Variants in SCG5 observed in about 807,000 individuals in gnomAD.
SCG5 encodes secretogranin V.
SCG5 carries 18 observed loss-of-function variants against 25.7 expected under a neutral mutation model. The observed-to-expected ratio is 0.70, with a 90% CI of 0.48 to 1.04. SCG5 has a LOEUF of 1.04. Among genes scored for constraint, SCG5 ranks in the 50% least tolerant of loss-of-function variants. SCG5 has a pLI of 0.00. For missense variants in SCG5, 206 were observed against 259.8 expected (o/e 0.79, Z 1.42); for synonymous variants, 101 against 91.7 (o/e 1.10, Z -0.58).
At chr15:32,686,124 A>G (rs530709460) in intron 4 of SCG5, among the ~76,000 whole-genome samples, 2 of 152,296 alleles carry the variant, frequency 1.3e-5, no homozygotes, top group South Asian at 2.1e-4. Context: ...GCTTCTTCCA[A>G]TTTGCATTAT....
intron 5 of SCG5, among the ~76,000 whole-genome samples, chr15:32,695,446 C>G (rs1342910136): frequency 6.6e-6 from 1 of 151,990 alleles, no homozygotes; most frequent in East Asian, 1.9e-4. Flanking sequence ...TAGTTCGAAT[C>G]CACACCTCAA....
intron 5 of SCG5, among the ~76,000 whole-genome samples, chr15:32,693,268 C>G (rs1482512166): frequency 1.3e-5 from 2 of 152,206 alleles, no homozygotes. Flanking sequence ...CGATTTAGGT[C>G]ATTTTTCCGT....
At chr15:32,645,181 G>A (rs2053922652) in intron 2 of SCG5, among the ~76,000 whole-genome samples, 1 of 152,216 alleles carries the variant, frequency 6.6e-6, no homozygotes, top group Admixed American at 6.5e-5. Context: ...TTTCAGGCCA[G>A]CTCTTTTGAG....
At chr15:32,679,287 C>T (rs1444918270) in intron 2 of SCG5, among the ~76,000 whole-genome samples, 1 of 151,912 alleles carries the variant, frequency 6.6e-6, no homozygotes, top group Non-Finnish European at 1.5e-5. Flanking sequence ...CTCCACTTCT[C>T]GGGTTCAAGT....
At chr15:32,688,079 G>T (rs1400829728) in intron 4 of SCG5, among the ~76,000 whole-genome samples, 1 of 152,186 alleles carries the variant, frequency 6.6e-6, no homozygotes, top group Non-Finnish European at 1.5e-5. Context: ...ACAGAGCTGG[G>T]ATTTGAACCC....
chr15:32,689,179 C>G (rs2054794235), intron 4 of SCG5, among the ~76,000 whole-genome samples: 1 of 151,938 alleles, frequency 6.6e-6, no homozygotes, highest in Non-Finnish European at 1.5e-5. Context: ...AAGAGTTTCC[C>G]CTGCTGTTCT....
At chr15:32,652,861 T>C (rs2054055597) in intron 2 of SCG5, among the ~76,000 whole-genome samples, 2 of 152,230 alleles carry the variant, frequency 1.3e-5, no homozygotes, top group South Asian at 2.1e-4. Context: ...CTAGTTATAG[T>C]ATAAACTTTT....
At position 32,679,883 on chromosome 15, in the gene SCG5, A is replaced by G; in HGVS notation, c.344A>G (p.Asp115Gly). 6.2e-7 allele frequency: 1 copy of G among 1,613,638 alleles called. No homozygotes were observed. The highest frequency in any genetic ancestry group is 8.5e-7 in the Non-Finnish European group (1 of 1,179,740). Residue 115 changes from aspartate (D) to glycine (G), a missense_variant, in exon 3 of 6, where the codon GAC becomes GGC. By Grantham distance (94) the Asp-to-Gly change is moderately conservative (BLOSUM62 -1). Transcript: ENST00000300175. ...TTTAGTGAGGATCAGGGGTACCCAG[A>G]CCCTCCAAATCCCTGTCCTGTTGGA... is the stretch of plus-strand genomic sequence containing the variant. ...KDFSEDQGYPDPPNPCPVGKT... is the reference protein window; with the variant it reads ...KDFSEDQGYPGPPNPCPVGKT...
At chr15:32,650,222 C>T (rs1157599256) in intron 2 of SCG5, among the ~76,000 whole-genome samples, 1 of 152,084 alleles carries the variant, frequency 6.6e-6, no homozygotes, top group Admixed American at 6.6e-5. Context: ...CTCAGCCTCG[C>T]GAGTAGCTGG....
intron 2 of SCG5, among the ~76,000 whole-genome samples, chr15:32,648,751 A>C (rs556372341): frequency 2.7e-5 from 4 of 145,582 alleles, no homozygotes; most frequent in Non-Finnish European, 1.5e-5. Flanking sequence ...GCACCCCCCT[A>C]CATTCTCTGT....
chr15:32,678,196 A>G (rs1483297267), intron 2 of SCG5, among the ~76,000 whole-genome samples: 1 of 152,240 alleles, frequency 6.6e-6, no homozygotes, highest in Non-Finnish European at 1.5e-5. Context: ...AGGGGAATAA[A>G]AATGACAAAT....
intron 3 of SCG5, 124 bp downstream of exon 3, chr15:32,680,039 T>C: frequency 1.1e-6 from 1 of 898,964 alleles, no homozygotes; most frequent in Non-Finnish European, 1.7e-6. Context: ...CCATGTGTAT[T>C]TGTAAGTAGA....
chr15:32,673,919 C>A (rs2054486536), intron 2 of SCG5, among the ~76,000 whole-genome samples: 1 of 152,036 alleles, frequency 6.6e-6, no homozygotes, highest in South Asian at 2.1e-4. Flanking sequence ...TGGGGTTTCA[C>A]CATCTTGGCC....
At chr15:32,685,026 A>G (rs2054682840) in intron 4 of SCG5, among the ~76,000 whole-genome samples, 1 of 152,232 alleles carries the variant, frequency 6.6e-6, no homozygotes, top group African/African-American at 2.4e-5. Flanking sequence ...TAATTGACAC[A>G]GAAAATTTGC....
intron 4 of SCG5, among the ~76,000 whole-genome samples, chr15:32,687,503 C>T (rs944640952): frequency 1.3e-5 from 2 of 152,158 alleles, no homozygotes; most frequent in Admixed American, 6.5e-5. Context: ...CCTTGGTTTT[C>T]ACATGGAAGT....
chr15:32,650,344 G>A (rs1019994604), intron 2 of SCG5, among the ~76,000 whole-genome samples: 1 of 152,094 alleles, frequency 6.6e-6, no homozygotes, highest in Non-Finnish European at 1.5e-5. Flanking sequence ...CTCGTGATCC[G>A]CCCATCTCGG....
At chr15:32,696,488 A>G (rs1210058322) in intron 5 of SCG5, 26 bp from the exon 6 acceptor site, 2 of 1,513,202 alleles carry the variant, frequency 1.3e-6, no homozygotes, top group Admixed American at 1.7e-5. Flanking sequence ...ACCAAACCAC[A>G]TGGTTTTTGT....
chr15:32,643,698 T>C lies in SCG5; in HGVS notation c.106T>C (p.Ser36Pro), dbSNP rs199901818. 236 of 1,613,926 alleles carry C rather than the reference T, an allele frequency of 1.5e-4. No homozygotes were observed. The African/African-American group carries it at 3.0e-3, about 20-fold the overall frequency. ...AYSPRTPDRV[S>P]EADIQRLLHG... Reference sequence around the variant, plus strand: ...CAGCCCCCGGACCCCTGACCGGGTCTCAGAAGCAGATATCCAGAGGCTGCT... The same window carrying C: ...CAGCCCCCGGACCCCTGACCGGGTCCCAGAAGCAGATATCCAGAGGCTGCT... The change falls in exon 2 of 6, where the codon TCA becomes CCA. Residue 36 changes from serine (S) to proline (P), a missense_variant. Physicochemically the swap from Ser to Pro is moderately conservative, Grantham distance 74 (BLOSUM62 -1). Transcript: ENST00000300175.
At position 32,657,209 on chromosome 15, in the gene SCG5, A is replaced by ATATATATATATATATATG; in HGVS notation, c.226+13394_226+13395insATATATATATATATGTAT. Among the ~76,000 whole-genome samples the ATATATATATATATATATG allele has an allele frequency of 1.0e-2, 385 of 38,686 alleles. 125 individuals carry two copies. Among genetic ancestry groups the ATATATATATATATATATG allele is most frequent in the East Asian group, 0.047 (61 of 1,286 alleles). 25.4% of individuals were successfully genotyped at this position (38,686 alleles called of 152,430 possible). Reference sequence around the variant, plus strand: ...TTCTTTCATCCTCCTGTATATATATATATGTATGTATTTCCAGGTGTAAGT... The same window carrying ATATATATATATATATATG: ...TTCTTTCATCCTCCTGTATATATATATATATATATATATATATGTATGTATGTATTTCCAGGTGTAAGT... On this transcript the variant is annotated intron_variant, in intron 2 of 5. Coordinates refer to ENST00000300175, the MANE Select transcript of SCG5 (RefSeq NM_001144757.3).
Sources: allele counts gnomAD v4.1 joint callset (sites outside exome capture counted in the v4.1 genomes callset), GRCh38; gene constraint gnomAD v4.1.1; transcripts MANE v1.5; gene names NCBI Gene and HGNC (gene_info 2026-07-23, HGNC 2026-07-21).